The following DAAM1 variants were observed in gnomAD, a reference collection of about 807,000 sequenced individuals.
The protein encoded by DAAM1 is dishevelled associated activator of morphogenesis 1, also known as disheveled-associated activator of morphogenesis 1.
DAAM1 carries 52 observed loss-of-function variants against 130.0 expected under a neutral mutation model. That is an observed-to-expected ratio of 0.40 (90% confidence interval 0.32 to 0.50). DAAM1 has a LOEUF of 0.50. DAAM1 is among the 20% of genes least tolerant of loss of function. DAAM1 has a pLI of 0.61. For synonymous variants in DAAM1, 452 were observed against 444.5 expected (o/e 1.02, Z -0.21); for missense variants, 1,134 against 1,303.8 (o/e 0.87, Z 2.01).
chr14:59,317,157 A>G (rs780964922), intron 4 of DAAM1, among the ~76,000 whole-genome samples: 1 of 152,208 alleles, frequency 6.6e-6, no homozygotes, highest in Non-Finnish European at 1.5e-5. Context: ...CCACAAGTCT[A>G]TTAAATTGTC....
intron 1 of DAAM1, among the ~76,000 whole-genome samples, chr14:59,189,097 G>T (rs1949094652): frequency 6.6e-6 from 1 of 152,202 alleles, no homozygotes; most frequent in Non-Finnish European, 1.5e-5. Context: ...GCTGGCCGAG[G>T]AGCTGGCGGG....
intron 4 of DAAM1, among the ~76,000 whole-genome samples, chr14:59,315,705 A>G (rs1159215731): frequency 6.6e-6 from 1 of 152,212 alleles, no homozygotes; most frequent in Non-Finnish European, 1.5e-5. Context: ...AGTTAATACC[A>G]TTTTAAAATA....
intron 7 of DAAM1, 32 bp from the exon 8 acceptor site, chr14:59,324,319 A>G: frequency 6.6e-7 from 1 of 1,511,708 alleles, no homozygotes; most frequent in Admixed American, 2.0e-5. Flanking sequence ...TAAAAACCAC[A>G]AATATGTATT....
At chr14:59,294,876 A>ATT (rs2139571875) in intron 3 of DAAM1, among the ~76,000 whole-genome samples, 1 of 152,358 alleles carries the variant, frequency 6.6e-6, no homozygotes, top group African/African-American at 2.4e-5. Flanking sequence ...AACAGTAAGG[A>ATT]GTAAGTCTTC....
At chr14:59,191,978 A>C (rs1887743046) in intron 1 of DAAM1, among the ~76,000 whole-genome samples, 1 of 152,170 alleles carries the variant, frequency 6.6e-6, no homozygotes. Context: ...CAGTAGTCTG[A>C]TTCTGTGGGT....
intron 1 of DAAM1, among the ~76,000 whole-genome samples, chr14:59,233,789 C>T (rs61986026): frequency 0.066 from 10,068 of 151,694 alleles, 437 homozygotes; most frequent in Non-Finnish European, 0.1. Flanking sequence ...TAAGTCTTTA[C>T]TCCATCTTAA....
chr14:59,324,999 A>G (rs1885154550), intron 8 of DAAM1, among the ~76,000 whole-genome samples: 1 of 152,056 alleles, frequency 6.6e-6, no homozygotes, highest in Non-Finnish European at 1.5e-5. Context: ...CTGTATATTC[A>G]TATACTCCAA....
intron 2 of DAAM1, among the ~76,000 whole-genome samples, chr14:59,279,455 C>A (rs1213882647): frequency 6.6e-6 from 1 of 152,158 alleles, no homozygotes; most frequent in Non-Finnish European, 1.5e-5. Flanking sequence ...CTTCTCCCAT[C>A]AACTTTGCTT....
intron 1 of DAAM1, among the ~76,000 whole-genome samples, chr14:59,244,240 C>CT (rs1238162482): frequency 8.3e-5 from 9 of 109,088 alleles, no homozygotes; most frequent in South Asian, 6.0e-4. Flanking sequence ...TCCACTAAAC[C>CT]TATTTTTTTT....
At chr14:59,338,320 G>A in intron 15 of DAAM1, 1 of 1,531,782 alleles carries the variant, frequency 6.5e-7, no homozygotes, top group Non-Finnish European at 9.0e-7. Flanking sequence ...TCCCCCATTT[G>A]TTGCTGTGAC....
intron 2 of DAAM1, among the ~76,000 whole-genome samples, chr14:59,279,154 G>T (rs893451646): frequency 3.3e-5 from 5 of 151,970 alleles, no homozygotes; most frequent in Admixed American, 2.0e-4. Flanking sequence ...AACCATCACC[G>T]CCATAGTTTA....
chr14:59,244,217 G>A (rs1462595545), intron 1 of DAAM1, among the ~76,000 whole-genome samples: 2 of 150,536 alleles, frequency 1.3e-5, no homozygotes, highest in Non-Finnish European at 2.9e-5. Context: ...CCCCAGCTAT[G>A]TGGCACTGTG....
At chr14:59,247,687 TAAGG>T (rs1297058286) in intron 1 of DAAM1, among the ~76,000 whole-genome samples, 3 of 151,838 alleles carry the variant, frequency 2.0e-5, no homozygotes, top group Admixed American at 2.0e-4. Context: ...GGTTGATAAT[TAAGG>T]AGAAAAAATG....
chr14:59,193,666 C>A (rs1303868086), intron 1 of DAAM1, among the ~76,000 whole-genome samples: 1 of 152,156 alleles, frequency 6.6e-6, no homozygotes, highest in Admixed American at 6.5e-5. Flanking sequence ...ACCAAATACA[C>A]CCTCAGCTTT....
chr14:59,233,505 A>C (rs1889182905), intron 1 of DAAM1, among the ~76,000 whole-genome samples: 1 of 151,776 alleles, frequency 6.6e-6, no homozygotes, highest in Non-Finnish European at 1.5e-5. Context: ...TTTCTTGTAA[A>C]TTTAAGTTCC....
chr14:59,230,553 T>G (rs1187095205), intron 1 of DAAM1, among the ~76,000 whole-genome samples: 1 of 152,084 alleles, frequency 6.6e-6, no homozygotes, highest in Non-Finnish European at 1.5e-5. Context: ...GTTGAACTCA[T>G]GGACTTAGAA....
At chr14:59,229,670 T>A (rs1391871141) in intron 1 of DAAM1, among the ~76,000 whole-genome samples, 2 of 152,204 alleles carry the variant, frequency 1.3e-5, no homozygotes, top group African/African-American at 4.8e-5. Flanking sequence ...AGTTCTAAGT[T>A]CCAAAAACAT....
chr14:59,312,979 C>G (rs1234706284), intron 3 of DAAM1, among the ~76,000 whole-genome samples: 1 of 152,194 alleles, frequency 6.6e-6, no homozygotes, highest in African/African-American at 2.4e-5. Context: ...AGCAGGAAAT[C>G]TTGTCCATGA....
At chr14:59,203,686 C>T (rs576508156) in intron 1 of DAAM1, among the ~76,000 whole-genome samples, 131 of 152,258 alleles carry the variant, frequency 8.6e-4, no homozygotes, top group Non-Finnish European at 1.4e-3. Context: ...CTCATACATC[C>T]TAATCATGAG....
Sources: allele counts gnomAD v4.1 joint callset (sites outside exome capture counted in the v4.1 genomes callset), GRCh38; gene constraint gnomAD v4.1.1; transcripts MANE v1.5; gene names NCBI Gene and HGNC (gene_info 2026-07-23, HGNC 2026-07-21).